PTK2B: variants seen among roughly 807,000 people sequenced by gnomAD.
The protein encoded by PTK2B is protein tyrosine kinase 2 beta.
PTK2B carries 71 observed loss-of-function variants against 142.9 expected under a neutral mutation model. The ratio of observed to expected loss-of-function variants is 0.50; its 90% CI spans 0.41 to 0.61. The LOEUF is 0.61. Ranked by LOEUF, PTK2B falls within the 20% of genes least tolerant of loss-of-function variation. The pLI is 0.00. For missense variants in PTK2B, 1,105 were observed against 1,320.4 expected, an observed-to-expected ratio of 0.84 and a Z score of 2.53; for synonymous variants, 519 against 503.4, an observed-to-expected ratio of 1.03 and a Z score of -0.42.
rs370659369 is a variant in PTK2B at position 27,453,144 on chromosome 8, C to T, written c.2579C>T (p.Pro860Leu). ...LEFTGPPQKP[P>L]RLGAQSIQPT... ...TTCACAGGGCCCCCACAGAAGCCCC[C>T]GAGGCTGGGCGCACAGGTATGTGTT... Residue 860 changes from proline (P) to leucine (L), a missense_variant, in exon 28 of 31, where the codon CCG (proline) becomes CTG (leucine). By Grantham distance (98) the Pro-to-Leu change is moderately conservative. Transcript: ENST00000346049. 6 of 1,613,978 alleles carry T rather than the reference C, an allele frequency of 3.7e-6. No homozygotes were observed. Among genetic ancestry groups the T allele is most frequent in the South Asian group, 2.2e-5 (2 of 91,082 alleles).
chr8:27,311,224 A>T (rs1802950852), upstream of PTK2B: 3 of 1,554,318 alleles, frequency 1.9e-6, no homozygotes, highest in Non-Finnish European at 2.6e-6. Flanking sequence ...ACACGTCGGG[A>T]CTCCGCTCCA....
At chr8:27,402,330 C>T (rs546801158) in intron 2 of PTK2B, among the ~76,000 whole-genome samples, 27 of 152,228 alleles carry the variant, frequency 1.8e-4, no homozygotes, top group Non-Finnish European at 3.5e-4. Context: ...AAATCCACTG[C>T]AGAGTGGGGA....
intron 2 of PTK2B, among the ~76,000 whole-genome samples, chr8:27,410,282 A>G (rs1447733498): frequency 1.3e-5 from 2 of 152,224 alleles, no homozygotes; most frequent in Non-Finnish European, 2.9e-5. Context: ...GGAAGAAAGC[A>G]GGATGGGGCA....
chr8:27,321,590 GGTGGAAAAGATAAA>G (rs1563455859), upstream of PTK2B, among the ~76,000 whole-genome samples: 1 of 152,182 alleles, frequency 6.6e-6, no homozygotes, highest in African/African-American at 2.4e-5. Context: ...GTCAGGTGGA[GGTGGAAAAGATAAA>G]GTGGAAAATA....
Position 27,440,262 on chromosome 8 carries a change from CT to C in PTK2B, c.1863del (p.Phe621LeufsTer38). The C allele has an allele frequency of 6.2e-7, 1 of 1,614,202 alleles. No homozygotes were observed. Among genetic ancestry groups the C allele is most frequent in the Non-Finnish European group, 8.5e-7 (1 of 1,180,042 alleles). On this transcript the variant is annotated frameshift_variant, in exon 21 of 31. Coordinates refer to ENST00000346049, the MANE Select transcript of PTK2B (RefSeq NM_173176.3). LOFTEE classifies it high-confidence loss of function. ...CCGTGTGCATGTGGGAGATCCTGAG[CT>C]TTGGGAAGCAGCCCTTCTTCTGGCT... ...FAVCMWEILS[F>X]GKQPFFWLEN...
intron 5 of PTK2B, among the ~76,000 whole-genome samples, chr8:27,426,562 C>T (rs1259455261): frequency 6.6e-6 from 1 of 151,996 alleles, no homozygotes; most frequent in Non-Finnish European, 1.5e-5. Context: ...TTCTCCCAGA[C>T]ATTCCCAAGA....
chr8:27,422,506 G>A (rs867310992), intron 5 of PTK2B, 123 bp downstream of exon 5: 1 of 928,832 alleles, frequency 1.1e-6, no homozygotes, highest in African/African-American at 1.7e-5. Context: ...GGGGAGAGGT[G>A]GTGACCGGCA....
chr8:27,450,404 T>TA (rs1811725669), intron 24 of PTK2B, among the ~76,000 whole-genome samples: 1 of 152,170 alleles, frequency 6.6e-6, no homozygotes, highest in South Asian at 2.1e-4. Flanking sequence ...CTTTTCTTTT[T>TA]AAAATATATT....
intron 1 of PTK2B, among the ~76,000 whole-genome samples, chr8:27,348,567 C>A (rs1407553158): frequency 6.6e-6 from 1 of 152,166 alleles, no homozygotes; most frequent in Non-Finnish European, 1.5e-5. Flanking sequence ...TGAAGCACTG[C>A]AGACAATACA....
At chr8:27,429,108 T>C (rs1810256634) in intron 5 of PTK2B, among the ~76,000 whole-genome samples, 1 of 152,240 alleles carries the variant, frequency 6.6e-6, no homozygotes, top group African/African-American at 2.4e-5. Context: ...GGTTTCACCA[T>C]GTTGGCCAGG....
rs58100118 is a variant in PTK2B, at chr8:27,432,005, T to TA, written c.886-254dup. On this transcript the variant is annotated intron_variant, in intron 9 of 30. Coordinates refer to ENST00000346049, the MANE Select transcript of PTK2B (RefSeq NM_173176.3). ...GATTTTTTTGTGCGATTTTTTTTTT[T>TA]ACCTTCATCAAGTAGTGTTAGTGTA... is the stretch of plus-strand genomic sequence containing the variant. 534 of 402,356 alleles carry TA rather than the reference T, an allele frequency of 1.3e-3. 5 individuals carry two copies. Among genetic ancestry groups the TA allele is most frequent in the African/African-American group, 9.2e-3 (461 of 49,950 alleles). The allele number at this position is 402,356 out of a possible 1,614,324, so 24.9% of individuals were successfully genotyped here.
At chr8:27,420,782 T>C in intron 4 of PTK2B, 38 bp downstream of exon 4, 3 of 1,539,656 alleles carry the variant, frequency 1.9e-6, no homozygotes, top group Non-Finnish European at 2.7e-6. Context: ...GAGGCTCCCA[T>C]TACACCTCAA....
intron 2 of PTK2B, among the ~76,000 whole-genome samples, chr8:27,401,887 G>A (rs975528706): frequency 6.6e-6 from 1 of 152,174 alleles, no homozygotes; most frequent in Non-Finnish European, 1.5e-5. Context: ...TAGTGATGGT[G>A]ATGGTGATGA....
chr8:27,325,852 C>T (rs1258571441), intron 1 of PTK2B, among the ~76,000 whole-genome samples, 171 bp downstream of exon 1: 3 of 152,196 alleles, frequency 2.0e-5, no homozygotes, highest in South Asian at 2.1e-4. Flanking sequence ...TGCACATGCC[C>T]GGAGCTCGCC....
intron 2 of PTK2B, among the ~76,000 whole-genome samples, chr8:27,412,747 C>T (rs1809147262): frequency 6.6e-6 from 1 of 152,208 alleles, no homozygotes; most frequent in African/African-American, 2.4e-5. Context: ...TTAAATTTTC[C>T]TCCACCATGT....
intron 18 of PTK2B, 53 bp from the exon 19 acceptor site, chr8:27,438,978 G>C (rs796086177): frequency 1.4e-6 from 2 of 1,474,210 alleles, no homozygotes; most frequent in East Asian, 2.3e-5. Context: ...CTCTGTTCCT[G>C]CTCCCATGGG....
rs1879181 is a variant in PTK2B at position 27,458,383 on chromosome 8, A to G, written c.2904A>G (p.Leu968=). Residue 968 remains leucine, a synonymous_variant, in exon 31 of 31, where the codon CTA becomes CTG. Transcript: ENST00000346049. ...RLAQQNAVTS[L]SEECKRQMLT... is the part of the protein sequence containing the mutation. The stretch of plus-strand genomic sequence containing the variant: ...CACAGCAGAACGCCGTGACCTCCCT[A>G]AGTGAGGAGTGCAAGAGGCAGATGC... 0.85 allele frequency: 1,373,138 copies of G among 1,613,198 alleles called. 587,252 individuals are homozygous for G. The highest frequency in any genetic ancestry group is 0.93 in the Middle Eastern group (5,662 of 6,062).
At chr8:27,403,871 T>C (rs1808537164) in intron 2 of PTK2B, among the ~76,000 whole-genome samples, 1 of 151,830 alleles carries the variant, frequency 6.6e-6, no homozygotes, top group Non-Finnish European at 1.5e-5. Flanking sequence ...TTCTTCTTTC[T>C]CCCTTCTTTC....
In PTK2B at chr8:27,436,970, G is replaced by T. The variant is rs867453973; in HGVS notation, c.1342-152G>T. On this transcript the variant is annotated intron_variant, in intron 15 of 30. Transcript: ENST00000346049. ...GAAGAAGGGGAGTGGAGAAGGAGAA[G>T]AGAGGAAGACAAAGGGGAGAAGAAG... is the stretch of plus-strand genomic sequence containing the variant. 9.8e-6 allele frequency: 7 copies of T among 715,074 alleles called. No individual in the cohort carries two copies. In the Middle Eastern group the frequency reaches 1.8e-3, roughly 189 times the overall value. 44.3% of individuals were successfully genotyped at this position (715,074 alleles called of 1,614,324 possible). A position where few individuals can be genotyped will look rare whatever the true frequency, so the allele number is the denominator to read the frequency against.
Sources: gnomAD v4.1 joint callset for allele counts (sites outside exome capture counted in the v4.1 genomes callset) on GRCh38, gnomAD v4.1.1 for gene constraint, MANE v1.5 for transcripts, NCBI Gene and HGNC (gene_info 2026-07-23, HGNC 2026-07-21) for gene names.